The following CABIN1 variants were observed in gnomAD, a reference collection of about 807,000 sequenced individuals.
The protein encoded by CABIN1 is calcineurin binding protein 1.
In CABIN1, 133 loss-of-function variants were observed where a neutral mutation model predicts 227.7. The observed-to-expected ratio is 0.58, with a 90% CI of 0.51 to 0.67. CABIN1 has a LOEUF of 0.67. CABIN1 is among the 30% of genes least tolerant of loss of function. The pLI is 0.00. For synonymous variants in CABIN1, 1,086 were observed against 1,155.1 expected (o/e 0.94, Z 1.21); for missense variants, 2,408 against 2,852.5 (o/e 0.84, Z 3.55).
At chr22:24,174,527 C>T (rs575328492) in intron 34 of CABIN1, among the ~76,000 whole-genome samples, 1 of 152,314 alleles carries the variant, frequency 6.6e-6, no homozygotes, top group African/African-American at 2.4e-5. Context: ...AGACCCAGCT[C>T]CTGTCCCTCT....
At chr22:24,094,344 C>T (rs1349782085) in intron 24 of CABIN1, among the ~76,000 whole-genome samples, 1 of 152,146 alleles carries the variant, frequency 6.6e-6, no homozygotes, top group East Asian at 1.9e-4. Flanking sequence ...CCAGGGGTAC[C>T]AGCAGCTTCC....
chr22:24,062,103 TGAGTCATG>T, intron 13 of CABIN1, 78 bp downstream of exon 13: 1 of 1,211,430 alleles, frequency 8.3e-7, no homozygotes, highest in Non-Finnish European at 1.2e-6. Flanking sequence ...GGCGGGAGAC[TGAGTCATG>T]GAATTTAGCC....
intron 29 of CABIN1, among the ~76,000 whole-genome samples, chr22:24,136,347 CTTT>C (rs71184947): frequency 3.5e-5 from 4 of 113,224 alleles, no homozygotes; most frequent in African/African-American, 3.8e-5. Flanking sequence ...GCCATCCCTC[CTTT>C]TTTTTTTTTT....
intron 33 of CABIN1, chr22:24,170,031 A>G: frequency 4.7e-6 from 2 of 427,418 alleles, no homozygotes; most frequent in South Asian, 3.2e-5. Flanking sequence ...CTGCTGGGCG[A>G]CGCCAGGCCA....
rs1391295086 is a variant in CABIN1 at position 24,177,113 on chromosome 22, C to T, written c.6206-391C>T. 2.6e-5 allele frequency among the ~76,000 whole-genome samples: 4 copies of T among 152,242 alleles called. No individual in the cohort carries two copies. The highest frequency in any genetic ancestry group is 3.2e-3 in the Middle Eastern group (1 of 316). ...TGACCATGCCTGGCTGAGCGACCAGCTCTGGGCTTCAGTGTCCTCCCTGGG... is the reference window on the plus strand; with the variant it reads ...TGACCATGCCTGGCTGAGCGACCAGTTCTGGGCTTCAGTGTCCTCCCTGGG... On this transcript the variant is annotated intron_variant, in intron 35 of 36. Coordinates refer to ENST00000263119, the MANE Select transcript of CABIN1 (RefSeq NM_012295.4). The surrounding 1 kb of genome is among the most constrained non-coding windows in gnomAD (Gnocchi z 4.4).
rs972246579 is a variant in CABIN1 at position 24,168,402 on chromosome 22, C to G, written c.5683-45C>G. On this transcript the variant is annotated intron_variant, in intron 32 of 36. Transcript: ENST00000263119. ...CACAGACAGGGCTGGGGGAGGCTAA[C>G]CACAATGGCCTGCGCCCCCTGACTT... 48 of 1,540,984 alleles carry G rather than the reference C, an allele frequency of 3.1e-5. No homozygotes were observed. The Admixed American group carries it at 8.2e-4, about 26-fold the overall frequency.
At chr22:24,148,835 C>A (rs748981668) in intron 29 of CABIN1, among the ~76,000 whole-genome samples, 2 of 152,230 alleles carry the variant, frequency 1.3e-5, no homozygotes, top group African/African-American at 4.8e-5. Flanking sequence ...GTGAGCCCAG[C>A]GGAGGCTGTG....
Position 24,061,959 on chromosome 22 carries a change from A to T in CABIN1, c.1630A>T (p.Met544Leu). 3 of 1,613,886 alleles carry T rather than the reference A, an allele frequency of 1.9e-6. No homozygotes were observed. Among genetic ancestry groups the T allele is most frequent in the Non-Finnish European group, 2.5e-6 (3 of 1,179,872 alleles). Reference protein sequence around the residue: ...SNKHIKDMMLMSLSCMELQLD... With the variant: ...SNKHIKDMMLLSLSCMELQLD... ...GTCTGTCCTGCAGGACATGATGCTG[A>T]TGTCTCTCTCCTGCATGGAACTCCA... Residue 544 changes from methionine to leucine, a missense_variant, in exon 13 of 37, where the codon ATG (methionine) becomes TTG (leucine). Met to Leu is a conservative substitution (Grantham distance 15). Around this residue, in one of 3 missense-constraint regions of CABIN1, gnomAD observed 1,045 missense variants for 1,168.4 expected, o/e 0.89. Coordinates refer to ENST00000263119, the MANE Select transcript of CABIN1 (RefSeq NM_012295.4).
At chr22:24,136,548 T>TTTTTTTTTTTTTG (rs1333552591) in intron 29 of CABIN1, among the ~76,000 whole-genome samples, 2 of 142,470 alleles carry the variant, frequency 1.4e-5, no homozygotes, top group Non-Finnish European at 3.0e-5. Flanking sequence ...TTTTTTTTTT[T>TTTTTTTTTTTTTG]AGAGACAAGG....
intron 23 of CABIN1, 36 bp downstream of exon 23, chr22:24,087,749 T>G (rs2041263335): frequency 2.5e-6 from 4 of 1,611,768 alleles, no homozygotes; most frequent in Non-Finnish European, 3.4e-6. Context: ...CTTGCCATCC[T>G]TCTGTCCAGA....
chr22:24,045,064 CACCCACCACCA>C (rs544671437), intron 6 of CABIN1, among the ~76,000 whole-genome samples: 66 of 152,182 alleles, frequency 4.3e-4, no homozygotes, highest in African/African-American at 1.5e-3. Context: ...GGACTACAGG[CACCCACCACCA>C]AGCCCGGCTA....
rs543031953 is a variant in CABIN1, at chr22:24,099,589, CCTT to C, written c.4117+1401_4117+1403del. ...CTTTCCCTGTTAAGATCCTCTCTCC[CCTT>C]CTTAGTTAAGTTAATCACCCTGTTC... On this transcript the variant is annotated intron_variant, in intron 26 of 36. Coordinates refer to ENST00000263119, the MANE Select transcript of CABIN1 (RefSeq NM_012295.4). Among the ~76,000 whole-genome samples, 18 of 152,326 alleles carry C rather than the reference CCTT, an allele frequency of 1.2e-4. No homozygotes were observed. The East Asian group carries it at 3.5e-3, about 29-fold the overall frequency.
At chr22:24,127,586 G>A (rs2043812461) in intron 28 of CABIN1, among the ~76,000 whole-genome samples, 1 of 152,156 alleles carries the variant, frequency 6.6e-6, no homozygotes, top group Non-Finnish European at 1.5e-5. Context: ...AGTCACAAAA[G>A]GCAAATACTG....
intron 1 of CABIN1, among the ~76,000 whole-genome samples, chr22:24,028,904 C>T (rs1238732778): frequency 1.3e-5 from 2 of 152,080 alleles, no homozygotes; most frequent in Non-Finnish European, 2.9e-5. Context: ...GAGGGACAGA[C>T]CCAGAGGCAG....
chr22:24,125,108 A>G (rs1803205059), intron 28 of CABIN1, among the ~76,000 whole-genome samples: 1 of 152,196 alleles, frequency 6.6e-6, no homozygotes, highest in South Asian at 2.1e-4. Context: ...CACTCAGATG[A>G]GGTATGAGGA....
chr22:24,104,359 C>T (rs1326621570), intron 26 of CABIN1, among the ~76,000 whole-genome samples: 2 of 152,218 alleles, frequency 1.3e-5, no homozygotes, highest in Non-Finnish European at 2.9e-5. Flanking sequence ...CGAGGCCTCC[C>T]TGGTCAGTGC....
intron 28 of CABIN1, among the ~76,000 whole-genome samples, chr22:24,127,715 A>G (rs1044056752): frequency 1.8e-4 from 27 of 152,282 alleles, no homozygotes; most frequent in African/African-American, 6.5e-4. Context: ...GTCAAGGTCA[A>G]TCCACAGATA....
chr22:24,157,443 C>T (rs550436197), intron 29 of CABIN1, among the ~76,000 whole-genome samples: 1 of 152,288 alleles, frequency 6.6e-6, no homozygotes, highest in South Asian at 2.1e-4. Flanking sequence ...GCTCATCTTC[C>T]TTAGGGACAA....
At chr22:24,024,236 G>A (rs531299208) in intron 1 of CABIN1, among the ~76,000 whole-genome samples, 36 of 151,910 alleles carry the variant, frequency 2.4e-4, no homozygotes, top group African/African-American at 7.5e-4. Flanking sequence ...GGGTACATGT[G>A]CACATTGTGC....
Sources: gnomAD v4.1 joint callset for allele counts (sites outside exome capture counted in the v4.1 genomes callset) on GRCh38, gnomAD v4.1.1 for gene constraint, gnomAD v4.1.1 regional missense constraint, Gnocchi (gnomAD v3.1) non-coding constraint, MANE v1.5 for transcripts, NCBI Gene and HGNC (gene_info 2026-07-23, HGNC 2026-07-21) for gene names.